Variants in BTD observed in about 807,000 individuals in gnomAD.
The protein encoded by BTD is biotinidase, also known as biocytinase.
Under a neutral mutation model 17.7 loss-of-function variants are expected in BTD, and 13 were observed. The observed-to-expected ratio is 0.74, with a 90% CI of 0.48 to 1.17. The LOEUF is 1.17. BTD is among the 50% of genes most tolerant of loss of function. The pLI is 0.00. For missense variants in BTD, 674 were observed against 650.4 expected (o/e 1.04, Z -0.39); for synonymous variants, 240 against 245.2 (o/e 0.98, Z 0.20).
intron 2 of BTD, among the ~76,000 whole-genome samples, chr3:15,637,794 A>G (rs990948402): frequency 2.6e-5 from 4 of 152,208 alleles, no homozygotes; most frequent in Admixed American, 2.6e-4. Context: ...ACATTTGGCA[A>G]ATGACACACT....
At chr3:15,689,886 TAATC>T (rs1168558413) in intron 3 of BTD, 1 of 757,088 alleles carries the variant, frequency 1.3e-6, no homozygotes, top group East Asian at 2.7e-5. Flanking sequence ...TGAGGTCAAA[TAATC>T]CATATATGAT....
At chr3:15,629,813 G>A (rs577791081) in intron 1 of BTD, among the ~76,000 whole-genome samples, 2 of 152,250 alleles carry the variant, frequency 1.3e-5, no homozygotes, top group African/African-American at 4.8e-5. Flanking sequence ...CAGGAGACCT[G>A]GCTCCCAGTC....
intron 3 of BTD, chr3:15,679,625 T>C (rs1383507106): frequency 7.7e-7 from 1 of 1,292,482 alleles, no homozygotes; most frequent in Non-Finnish European, 1.1e-6. Context: ...AAATCACAGG[T>C]ACATGTAAGT....
intron 2 of BTD, among the ~76,000 whole-genome samples, chr3:15,638,035 G>A (rs1382794194): frequency 6.6e-6 from 1 of 152,174 alleles, no homozygotes; most frequent in African/African-American, 2.4e-5. Flanking sequence ...TTGTTTTCCA[G>A]CAGCACTTTT....
At chr3:15,685,306 T>G (rs1403792638) in intron 3 of BTD, 1 of 1,613,916 alleles carries the variant, frequency 6.2e-7, no homozygotes, top group Non-Finnish European at 8.5e-7. Context: ...TGCTGCTGAC[T>G]GCAAAAGGGC....
At chr3:15,654,662 C>T (rs1210121741), downstream of BTD, among the ~76,000 whole-genome samples, 3 of 152,036 alleles carry the variant, frequency 2.0e-5, no homozygotes, top group Admixed American at 2.0e-4. Context: ...CCCTCTGCCT[C>T]CCGGGTTCAA....
At chr3:15,695,539 C>A (rs559355870) in intron 3 of BTD, among the ~76,000 whole-genome samples, 1 of 152,088 alleles carries the variant, frequency 6.6e-6, no homozygotes, top group East Asian at 1.9e-4. Context: ...TGAAGGGAAG[C>A]AAAGTTTAAT....
At chr3:15,660,300 C>T (rs886644997) in intron 3 of BTD, among the ~76,000 whole-genome samples, 2 of 152,236 alleles carry the variant, frequency 1.3e-5, no homozygotes, top group Non-Finnish European at 2.9e-5. Flanking sequence ...CCCAGCCATA[C>T]GGAAAGGTGC....
chr3:15,615,062 G>A (rs1268814189), intron 1 of BTD, among the ~76,000 whole-genome samples: 1 of 152,072 alleles, frequency 6.6e-6, no homozygotes, highest in African/African-American at 2.4e-5. Context: ...TTGCTTCCTT[G>A]TGTGTTTTGT....
downstream of BTD, among the ~76,000 whole-genome samples, chr3:15,716,852 T>C (rs562382548): frequency 6.6e-5 from 10 of 152,278 alleles, no homozygotes; most frequent in South Asian, 1.2e-3. Context: ...ATTCCAGCGC[T>C]TGGGGAGGCC....
At chr3:15,706,528 T>C (rs2071442153) in intron 3 of BTD, among the ~76,000 whole-genome samples, 1 of 152,160 alleles carries the variant, frequency 6.6e-6, no homozygotes, top group Non-Finnish European at 1.5e-5. Context: ...TTTGCTATTG[T>C]GAATAGTGTC....
At chr3:15,638,060 G>A (rs562202003) in intron 2 of BTD, among the ~76,000 whole-genome samples, 2 of 152,050 alleles carry the variant, frequency 1.3e-5, no homozygotes, top group Admixed American at 6.5e-5. Context: ...TTCCTTACAC[G>A]ATGACATGTT....
chr3:15,629,456 C>T (rs1340808289), intron 1 of BTD, among the ~76,000 whole-genome samples: 1 of 152,196 alleles, frequency 6.6e-6, no homozygotes, highest in Non-Finnish European at 1.5e-5. Context: ...CACCCAGAAT[C>T]TCCCTTGGGA....
In BTD at chr3:15,650,446, AAAAG is replaced by A. The variant is rs2065784182; in HGVS notation, c.*4961_*4964del. Among the ~76,000 whole-genome samples the A allele has an allele frequency of 1.3e-5, 2 of 152,142 alleles. No individual in the cohort carries two copies. The highest frequency in any genetic ancestry group is 6.5e-5 in the Admixed American group (1 of 15,278). On this transcript the variant is annotated 3_prime_UTR_variant, in exon 4 of 4. Coordinates refer to ENST00000643237, the MANE Select transcript of BTD (RefSeq NM_001370658.1). Reference sequence around the variant, plus strand: ...TTTCTTTTTGTTTGAGCAAAAAAAAAAAAGAATATATTAACTCGTAACTGGGGAG... The same window carrying A: ...TTTCTTTTTGTTTGAGCAAAAAAAAAAATATATTAACTCGTAACTGGGGAG...
chr3:15,704,083 A>G (rs1184020876), intron 3 of BTD, among the ~76,000 whole-genome samples: 1 of 152,228 alleles, frequency 6.6e-6, no homozygotes, highest in African/African-American at 2.4e-5. Context: ...TCCTGCTCAA[A>G]GACAGCCCTA....
chr3:15,684,427 G>T (rs1268829608), intron 3 of BTD: 1 of 152,072 alleles, frequency 6.6e-6, no homozygotes, highest in African/African-American at 2.4e-5. Flanking sequence ...ACCTGCTAGG[G>T]ATTTATTCCT....
intron 1 of BTD, among the ~76,000 whole-genome samples, chr3:15,611,080 C>T (rs926282449): frequency 4.6e-5 from 7 of 152,086 alleles, no homozygotes; most frequent in African/African-American, 1.7e-4. Flanking sequence ...TTTAACTGGG[C>T]CACCTGTATT....
chr3:15,701,947 A>G lies in BTD; in HGVS notation c.400-8113A>G, dbSNP rs568001207. On this transcript the variant is annotated intron_variant, in intron 3 of 3. Coordinates refer to the BTD transcript ENST00000672141. ...ATTTTACCCAAGGGCATTTAAAAAAAATCTTTAATCAAGTTCTCTAGATGT... is the reference window on the plus strand; with the variant it reads ...ATTTTACCCAAGGGCATTTAAAAAAGATCTTTAATCAAGTTCTCTAGATGT... 1.6e-4 allele frequency among the ~76,000 whole-genome samples: 25 copies of G among 151,956 alleles called. 1 individual carries two copies. In the East Asian group the frequency reaches 4.8e-3, roughly 29 times the overall value.
intron 1 of BTD, among the ~76,000 whole-genome samples, chr3:15,610,581 C>G (rs987325415): frequency 6.6e-6 from 1 of 152,164 alleles, no homozygotes; most frequent in Non-Finnish European, 1.5e-5. Flanking sequence ...TGTGGAATGT[C>G]AAGCTCGCAT....
Sources: allele counts gnomAD v4.1 joint callset (sites outside exome capture counted in the v4.1 genomes callset), GRCh38; gene constraint gnomAD v4.1.1; transcripts MANE v1.5; gene names NCBI Gene and HGNC (gene_info 2026-07-23, HGNC 2026-07-21).